Variants in PCDHGA3 observed in about 807,000 individuals in gnomAD.
PCDHGA3 encodes the protein protocadherin gamma subfamily A, 3.
PCDHGA3 carries 40 observed loss-of-function variants against 58.5 expected under a neutral mutation model. That is an observed-to-expected ratio of 0.68 (90% CI 0.53 to 0.89). PCDHGA3 has a LOEUF of 0.89. Among genes scored for constraint, PCDHGA3 ranks in the 40% least tolerant of loss-of-function variants. The probability of loss-of-function intolerance (pLI) is 0.00; values close to 1 mark genes in which losing one functional copy is unlikely to be tolerated. For synonymous variants in PCDHGA3, 530 were observed against 525.7 expected, an observed-to-expected ratio of 1.01 and a Z score of -0.11; for missense variants, 1,223 against 1,195.9, an observed-to-expected ratio of 1.02 and a Z score of -0.33.
rs2099385215 is a variant in PCDHGA3 at position 141,476,099 on chromosome 5, G to A, written c.2425-18708G>A. On this transcript the variant is annotated intron_variant, in intron 1 of 3. Coordinates refer to ENST00000253812, the MANE Select transcript of PCDHGA3 (RefSeq NM_018916.4). This position sits in a 1 kb window ranked among gnomAD's most constrained non-coding sequence, Gnocchi z 7.6. ...GGGACGATCTGGACCCCGCTGAGAGGAACTGCTTTTGAGTGAGATGGTCCC... is the reference window on the plus strand; with the variant it reads ...GGGACGATCTGGACCCCGCTGAGAGAAACTGCTTTTGAGTGAGATGGTCCC... 1 of 1,574,916 alleles carries A rather than the reference G, an allele frequency of 6.3e-7. No individual in the cohort carries two copies.
Position 141,393,813 on chromosome 5 carries a change from C to T in PCDHGA3, c.2424+47356C>T, listed in dbSNP as rs376904307. On this transcript the variant is annotated intron_variant, in intron 1 of 3. Coordinates refer to ENST00000253812, the MANE Select transcript of PCDHGA3 (RefSeq NM_018916.4). ...GGCACTTCTGGGGAGGACCAAATTGCTCATTTCGGTGGAAGATGTAAATGA... is the reference window on the plus strand; with the variant it reads ...GGCACTTCTGGGGAGGACCAAATTGTTCATTTCGGTGGAAGATGTAAATGA... 4.3e-6 allele frequency: 7 copies of T among 1,613,812 alleles called. 1 individual carries two copies. The East Asian group carries it at 8.9e-5, about 21-fold the overall frequency.
intron 1 of PCDHGA3, among the ~76,000 whole-genome samples, chr5:141,449,298 T>C (rs1197693931): frequency 6.6e-6 from 1 of 152,058 alleles, no homozygotes; most frequent in Non-Finnish European, 1.5e-5. Flanking sequence ...CCGGGTGAAT[T>C]ATATGTATTA....
At chr5:141,388,295 C>T (rs766909730) in intron 1 of PCDHGA3, 3 of 1,613,442 alleles carry the variant, frequency 1.9e-6, no homozygotes, top group East Asian at 2.2e-5. Flanking sequence ...CGCAAAATTC[C>T]TTTGAGCTGC....
chr5:141,370,870 A>G (rs778903328), intron 1 of PCDHGA3: 1 of 1,614,030 alleles, frequency 6.2e-7, no homozygotes, highest in African/African-American at 1.3e-5. Flanking sequence ...TCTGCGCAAG[A>G]TCCTGATGTA....
intron 2 of PCDHGA3, among the ~76,000 whole-genome samples, chr5:141,504,128 G>A (rs914138294): frequency 2.6e-5 from 4 of 151,992 alleles, no homozygotes; most frequent in African/African-American, 9.7e-5. Context: ...GCTGTTTCCC[G>A]CCAACACTCC....
chr5:141,477,611 C>T lies in PCDHGA3; in HGVS notation c.2425-17196C>T. On this transcript the variant is annotated intron_variant, in intron 1 of 3. Coordinates refer to ENST00000253812, the MANE Select transcript of PCDHGA3 (RefSeq NM_018916.4). This position sits in a 1 kb window ranked among gnomAD's most constrained non-coding sequence, Gnocchi z 4.9. ...TCGGCTTTCTTTCTTTCTCTTGGAG[C>T]AAGGAGCTGAAACCGGGCTAGTGGG... is the stretch of plus-strand genomic sequence containing the variant. The T allele has an allele frequency of 6.2e-7, 1 of 1,614,188 alleles. No homozygotes were observed. The highest frequency in any genetic ancestry group is 8.5e-7 in the Non-Finnish European group (1 of 1,180,036).
At chr5:141,461,979 A>C (rs1420971777) in intron 1 of PCDHGA3, among the ~76,000 whole-genome samples, 1 of 152,144 alleles carries the variant, frequency 6.6e-6, no homozygotes, top group Non-Finnish European at 1.5e-5. Context: ...ATATGCCACC[A>C]CGCCAGGCTA....
chr5:141,431,554 C>A lies in PCDHGA3; in HGVS notation c.2425-63253C>A, dbSNP rs766242338. On this transcript the variant is annotated intron_variant, in intron 1 of 3. Coordinates refer to ENST00000253812, the MANE Select transcript of PCDHGA3 (RefSeq NM_018916.4). The surrounding 1 kb of genome is among the most constrained non-coding windows in gnomAD (Gnocchi z 4.8). ...TGGGCACGCAGCTGCTTGTAGTCAA[C>A]GCTACCGACCCTGACGAAGGAGTCA... 1.2e-6 allele frequency: 2 copies of A among 1,614,008 alleles called. No individual in the cohort carries two copies. Among genetic ancestry groups the A allele is most frequent in the African/African-American group, 1.3e-5 (1 of 74,942 alleles).
At chr5:141,347,137 CTCTTTCTTTCTTTCTTTCTTTCTT>C (rs70988799) in intron 1 of PCDHGA3, among the ~76,000 whole-genome samples, 10 of 113,744 alleles carry the variant, frequency 8.8e-5, no homozygotes, top group African/African-American at 2.7e-4. Context: ...CTCTGTTTCT[CTCTTTCTTTCTTTCTTTCTTTCTT>C]TCTTTCTTTC....
intron 1 of PCDHGA3, among the ~76,000 whole-genome samples, chr5:141,438,623 T>C (rs1485045684): frequency 2.3e-4 from 10 of 42,840 alleles, no homozygotes; most frequent in Non-Finnish European, 3.8e-4. Flanking sequence ...TATATATATA[T>C]ATATATATAT....
intron 1 of PCDHGA3, among the ~76,000 whole-genome samples, chr5:141,466,246 A>G (rs1357175003): frequency 6.6e-6 from 1 of 152,100 alleles, no homozygotes; most frequent in Non-Finnish European, 1.5e-5. Flanking sequence ...TCATGGCTCA[A>G]TGCAGCCTTG....
At chr5:141,413,316 T>C (rs769316460) in intron 1 of PCDHGA3, 13 of 1,613,976 alleles carry the variant, frequency 8.1e-6, no homozygotes, top group Non-Finnish European at 1.1e-5. Flanking sequence ...AGAAAGGCTC[T>C]TTCGTGGGCA....
intron 1 of PCDHGA3, chr5:141,419,208 C>T: frequency 6.2e-7 from 1 of 1,613,966 alleles, no homozygotes; most frequent in Non-Finnish European, 8.5e-7. Flanking sequence ...GACAACGCGC[C>T]GGTTTTCGGA....
intron 1 of PCDHGA3, among the ~76,000 whole-genome samples, chr5:141,459,348 C>G (rs1015330513): frequency 2.6e-5 from 4 of 152,194 alleles, no homozygotes; most frequent in Admixed American, 2.0e-4. Context: ...TCTTGAAATT[C>G]ATTCATGTTC....
intron 1 of PCDHGA3, chr5:141,413,154 A>G: frequency 6.3e-7 from 1 of 1,576,026 alleles, no homozygotes; most frequent in Middle Eastern, 1.7e-4. Context: ...AGGACTTTGC[A>G]GAATTCTGTA....
chr5:141,507,525 A>T (rs1053801558), intron 3 of PCDHGA3, among the ~76,000 whole-genome samples: 1 of 152,000 alleles, frequency 6.6e-6, no homozygotes, highest in Non-Finnish European at 1.5e-5. Context: ...ATGATTCCAG[A>T]GAGGCCAGAG....
intron 1 of PCDHGA3, among the ~76,000 whole-genome samples, chr5:141,442,703 C>A (rs1405830887): frequency 6.6e-6 from 1 of 152,218 alleles, no homozygotes; most frequent in Admixed American, 6.5e-5. Flanking sequence ...ACAAGAGTAT[C>A]AGACATGCCA....
chr5:141,421,219 G>C (rs894586889), intron 1 of PCDHGA3: 1 of 1,573,208 alleles, frequency 6.4e-7, no homozygotes. Context: ...TATCGGCTTA[G>C]AGCCTGCCAT....
intron 1 of PCDHGA3, chr5:141,384,749 T>C (rs781370362): frequency 5.0e-6 from 8 of 1,613,822 alleles, no homozygotes; most frequent in Non-Finnish European, 4.2e-6. Flanking sequence ...CCAGGACTCT[T>C]TGCGGTTGGG....
Sources: allele counts gnomAD v4.1 joint callset (sites outside exome capture counted in the v4.1 genomes callset), GRCh38; gene constraint gnomAD v4.1.1; non-coding constraint Gnocchi (gnomAD v3.1); transcripts MANE v1.5; gene names NCBI Gene and HGNC (gene_info 2026-07-23, HGNC 2026-07-21).